The following PJA2 variants were observed in gnomAD, a reference collection of about 807,000 sequenced individuals.
PJA2 encodes the protein E3 ubiquitin-protein ligase Praja-2.
Under a neutral mutation model 69.3 loss-of-function variants are expected in PJA2, and 25 were observed. That is an observed-to-expected ratio of 0.36 (90% CI 0.26 to 0.50). PJA2 has a LOEUF of 0.50. PJA2 is among the 20% of genes least tolerant of loss of function. PJA2 has a pLI of 0.96. For synonymous variants in PJA2, 308 were observed against 277.8 expected, an observed-to-expected ratio of 1.11 and a Z score of -1.08; for missense variants, 809 against 830.2, an observed-to-expected ratio of 0.97 and a Z score of 0.31.
intron 7 of PJA2, among the ~76,000 whole-genome samples, chr5:109,355,206 T>C (rs942821782): frequency 2.0e-5 from 3 of 152,218 alleles, no homozygotes; most frequent in Non-Finnish European, 4.4e-5. Flanking sequence ...CTAAAAGTTC[T>C]TGCCAATTTT....
chr5:109,386,703 T>C (rs1326293754), intron 1 of PJA2, among the ~76,000 whole-genome samples: 2 of 152,168 alleles, frequency 1.3e-5, no homozygotes, highest in African/African-American at 4.8e-5. Flanking sequence ...CAAGTATATG[T>C]TGGAGGCAAA....
chr5:109,378,274 G>C lies in PJA2; in HGVS notation c.1213C>G (p.Gln405Glu). Residue 405 changes from glutamine to glutamate, a missense_variant, in exon 4 of 10, where the codon CAA becomes GAA. By Grantham distance (29) the Gln-to-Glu change is conservative. Transcript: ENST00000361189. ...TSESGATAGR[Q>E]EVDNTFWNGC... ...TTCCAAAAGGTGTTATCCACCTCTT[G>C]CCTTCCTGCTGTGGCTCCACTTTCT... 1 of 1,613,992 alleles carries C rather than the reference G, an allele frequency of 6.2e-7. No individual in the cohort carries two copies. The highest frequency in any genetic ancestry group is 8.5e-7 in the Non-Finnish European group (1 of 1,179,922).
chr5:109,354,185 A>G (rs183446366), intron 7 of PJA2, among the ~76,000 whole-genome samples: 23 of 137,888 alleles, frequency 1.7e-4, no homozygotes, highest in African/African-American at 6.5e-4. Flanking sequence ...TAGATTAGAT[A>G]TCTATGATAT....
rs374167354 is a variant in PJA2, at chr5:109,402,047, G to A, written c.-88+7795C>T. ...TGTGGTATAGTATTGCTTCCATATG[G>A]TCTATTATTAAAGATGTAAAATATA... On this transcript the variant is annotated intron_variant, in intron 1 of 9. Transcript: ENST00000361189. Among the ~76,000 whole-genome samples, 6 of 152,190 alleles carry A rather than the reference G, an allele frequency of 3.9e-5. No homozygotes were observed. In the East Asian group the frequency reaches 7.7e-4, roughly 20 times the overall value.
chr5:109,359,747 C>A (rs1009377340), intron 6 of PJA2, among the ~76,000 whole-genome samples: 4 of 151,990 alleles, frequency 2.6e-5, no homozygotes, highest in Non-Finnish European at 5.9e-5. Flanking sequence ...AAGATTAGAC[C>A]AGAAAAAAAT....
At chr5:109,378,039 T>C (rs1746933055) in intron 4 of PJA2, among the ~76,000 whole-genome samples, 165 bp downstream of exon 4, 1 of 152,210 alleles carries the variant, frequency 6.6e-6, no homozygotes, top group Non-Finnish European at 1.5e-5. Context: ...AAAATTCTAA[T>C]GAGTAGTTTG....
In PJA2 at chr5:109,368,603, C is replaced by G; in HGVS notation, c.1427G>C (p.Ser476Thr). The G allele has an allele frequency of 6.2e-7, 1 of 1,614,088 alleles. No individual in the cohort carries two copies. The highest frequency in any genetic ancestry group is 1.3e-5 in the African/African-American group (1 of 75,034). Reference protein sequence around the residue: ...ENEPELQSDSSGPEEENQELS... With the variant: ...ENEPELQSDSTGPEEENQELS... ...TTCTTGGTTTTCTTCTTCAGGGCCA[C>G]TGCTATCACTTTGTAGCTCAGGTTC... is the stretch of plus-strand genomic sequence containing the variant. Residue 476 changes from serine to threonine, a missense_variant, in exon 5 of 10, where the codon AGT becomes ACT. Ser to Thr is a moderately conservative substitution (Grantham distance 58). Transcript: ENST00000361189.
intron 6 of PJA2, among the ~76,000 whole-genome samples, chr5:109,360,851 G>A (rs1411931060): frequency 1.3e-5 from 2 of 151,976 alleles, no homozygotes; most frequent in African/African-American, 4.8e-5. Context: ...TCAGAGGCTG[G>A]GCATGGTGGC....
chr5:109,343,875 C>G (rs1352699635), intron 9 of PJA2, among the ~76,000 whole-genome samples: 1 of 152,048 alleles, frequency 6.6e-6, no homozygotes, highest in Non-Finnish European at 1.5e-5. Context: ...GCAGGCGGAT[C>G]ACCTGAGGTC....
At chr5:109,354,851 A>G (rs1205930151) in intron 7 of PJA2, among the ~76,000 whole-genome samples, 1 of 151,690 alleles carries the variant, frequency 6.6e-6, no homozygotes, top group Non-Finnish European at 1.5e-5. Context: ...ATGGTGACTC[A>G]TGTCTATAAT....
intron 9 of PJA2, among the ~76,000 whole-genome samples, chr5:109,343,815 G>T (rs1410860712): frequency 6.6e-6 from 1 of 152,128 alleles, no homozygotes; most frequent in African/African-American, 2.4e-5. Flanking sequence ...ACTACTATTG[G>T]CTGGGCGTGG....
At chr5:109,398,871 T>C (rs1469432550) in intron 1 of PJA2, among the ~76,000 whole-genome samples, 2 of 152,104 alleles carry the variant, frequency 1.3e-5, no homozygotes, top group Admixed American at 1.3e-4. Flanking sequence ...CACTGAAGAT[T>C]TGCTACCACT....
chr5:109,388,507 G>A (rs1226696396), intron 1 of PJA2, among the ~76,000 whole-genome samples: 2 of 152,024 alleles, frequency 1.3e-5, no homozygotes, highest in South Asian at 2.1e-4. Flanking sequence ...TCCTGCAACA[G>A]GTAACAAATA....
intron 7 of PJA2, among the ~76,000 whole-genome samples, chr5:109,352,746 T>A (rs536011633): frequency 6.6e-6 from 1 of 152,022 alleles, no homozygotes; most frequent in East Asian, 1.9e-4. Context: ...TATGCATGCA[T>A]GTGTGTGCAC....
rs370379134 is a variant in PJA2, at chr5:109,400,512, G to A, written c.-88+9330C>T. Among the ~76,000 whole-genome samples the A allele has an allele frequency of 6.1e-4, 92 of 151,330 alleles. 4 individuals carry two copies. The East Asian group carries it at 0.015, about 25-fold the overall frequency. ...GGGGGGGGAAGGGCGGGGGGGTGTC[G>A]CGGGCAGTGGAAACATTAGAAGAGA... On this transcript the variant is annotated intron_variant, in intron 1 of 9. Coordinates refer to ENST00000361189, the MANE Select transcript of PJA2 (RefSeq NM_014819.5).
chr5:109,338,636 CAAAAAAAAAAA>C (rs11336749), intron 9 of PJA2, among the ~76,000 whole-genome samples: 2 of 62,452 alleles, frequency 3.2e-5, no homozygotes, highest in Non-Finnish European at 3.3e-5. Context: ...AACTCCGTCT[CAAAAAAAAAAA>C]AAAAAAAAAA....
intron 9 of PJA2, among the ~76,000 whole-genome samples, chr5:109,341,169 G>A (rs1336420687): frequency 1.3e-4 from 15 of 117,132 alleles, no homozygotes; most frequent in East Asian, 6.6e-4. Context: ...GTCTCCGCCC[G>A]GCCGCCATCC....
rs1331631362 is a variant in PJA2, at chr5:109,335,553, C to T, written c.*1678G>A. The T allele has an allele frequency of 6.6e-6, 1 of 152,088 alleles. No individual in the cohort carries two copies. 9.4% of individuals were successfully genotyped at this position (152,088 alleles called of 1,614,324 possible). A position where few individuals can be genotyped will look rare whatever the true frequency, so the allele number is the denominator to read the frequency against. Reference sequence around the variant, plus strand: ...TTAACCAGTAAGTGTCACAACTGATCAACAGTACTTAAAAGGAAACAAACA... The same window carrying T: ...TTAACCAGTAAGTGTCACAACTGATTAACAGTACTTAAAAGGAAACAAACA... On this transcript the variant is annotated 3_prime_UTR_variant, in exon 10 of 10. Coordinates refer to ENST00000361189, the MANE Select transcript of PJA2 (RefSeq NM_014819.5).
intron 4 of PJA2, among the ~76,000 whole-genome samples, chr5:109,376,006 GC>G (rs972625106): frequency 1.3e-5 from 2 of 152,058 alleles, no homozygotes; most frequent in African/African-American, 4.8e-5. Context: ...ATATCTTAAG[GC>G]TATGGATAAA....
Sources: gnomAD v4.1 joint callset for allele counts (sites outside exome capture counted in the v4.1 genomes callset) on GRCh38, gnomAD v4.1.1 for gene constraint, MANE v1.5 for transcripts, NCBI Gene and HGNC (gene_info 2026-07-23, HGNC 2026-07-21) for gene names.